Variants in SHB observed in about 807,000 individuals in gnomAD.
SHB encodes SH2 domain-containing adapter protein B.
SHB carries 20 observed loss-of-function variants against 52.3 expected under a neutral mutation model. The ratio of observed to expected loss-of-function variants is 0.38; its 90% CI spans 0.27 to 0.56. SHB has a LOEUF of 0.56. Ranked by LOEUF, SHB falls within the 20% of genes least tolerant of loss-of-function variation. The pLI, the probability that SHB is intolerant of heterozygous loss-of-function variation, is 0.71. For synonymous variants in SHB, 397 were observed against 316.5 expected (o/e 1.25, Z -2.70); for missense variants, 825 against 723.3 (o/e 1.14, Z -1.61).
At chr9:38,043,502 GGA>G (rs1821607302) in intron 1 of SHB, among the ~76,000 whole-genome samples, 1 of 152,202 alleles carries the variant, frequency 6.6e-6, no homozygotes, top group African/African-American at 2.4e-5. Flanking sequence ...CCTTTAGATG[GGA>G]GAGAAACGCA....
intron 3 of SHB, among the ~76,000 whole-genome samples, chr9:37,964,797 C>T (rs1270837075): frequency 2.0e-5 from 3 of 152,142 alleles, no homozygotes; most frequent in African/African-American, 7.2e-5. Flanking sequence ...CATAGTACCG[C>T]CCCCACTGTA....
intron 2 of SHB, among the ~76,000 whole-genome samples, chr9:37,981,420 G>C (rs1188870242): frequency 6.6e-6 from 1 of 152,232 alleles, no homozygotes; most frequent in Non-Finnish European, 1.5e-5. Context: ...GAATTGAAGA[G>C]TTAGGGCCTT....
chr9:37,930,409 G>A (rs915879130), intron 5 of SHB, among the ~76,000 whole-genome samples: 4 of 152,144 alleles, frequency 2.6e-5, no homozygotes, highest in South Asian at 4.1e-4. Flanking sequence ...AGCTGGGGTG[G>A]GGGATGTGGC....
At chr9:38,066,243 T>C (rs1821958986) in intron 1 of SHB, among the ~76,000 whole-genome samples, 2 of 152,202 alleles carry the variant, frequency 1.3e-5, no homozygotes, top group African/African-American at 4.8e-5. Context: ...TTACTGAAGT[T>C]TTGAACCACT....
In SHB at chr9:37,917,008, A is replaced by T. The variant is rs181561927; in HGVS notation, c.*2813T>A. Among the ~76,000 whole-genome samples the T allele has an allele frequency of 2.4e-3, 367 of 151,398 alleles. No individual in the cohort carries two copies. The highest frequency in any genetic ancestry group is 8.4e-3 in the African/African-American group (345 of 41,186). On this transcript the variant is annotated 3_prime_UTR_variant, in exon 6 of 6. Transcript: ENST00000377707. ...TTTTCTCTCAAAGAAATCCAGCTCA[A>T]TTTTTTCCCCAATTAATTGGCAGCA...
chr9:37,984,413 C>T (rs974214957), intron 2 of SHB, among the ~76,000 whole-genome samples: 1 of 152,188 alleles, frequency 6.6e-6, no homozygotes, highest in Non-Finnish European at 1.5e-5. Context: ...AGCTCTTGTA[C>T]GTAACGTGAA....
chr9:37,960,415 G>A (rs1010347286), intron 3 of SHB, among the ~76,000 whole-genome samples: 19 of 152,194 alleles, frequency 1.2e-4, no homozygotes, highest in Admixed American at 1.0e-3. Flanking sequence ...TAGAATGACA[G>A]AACCTAATTA....
At chr9:38,053,517 G>A (rs1430017897) in intron 1 of SHB, among the ~76,000 whole-genome samples, 1 of 152,194 alleles carries the variant, frequency 6.6e-6, no homozygotes, top group African/African-American at 2.4e-5. Flanking sequence ...GATTACAGGT[G>A]TGAGCCACCA....
intron 1 of SHB, among the ~76,000 whole-genome samples, chr9:38,063,513 T>C (rs1427478514): frequency 6.6e-6 from 1 of 152,210 alleles, no homozygotes; most frequent in Non-Finnish European, 1.5e-5. Context: ...GCCTTGGGAA[T>C]TCCCACTCAG....
At chr9:38,004,083 G>T (rs749335899) in intron 2 of SHB, among the ~76,000 whole-genome samples, 2 of 152,188 alleles carry the variant, frequency 1.3e-5, no homozygotes, top group African/African-American at 4.8e-5. Flanking sequence ...ACAACTCCCA[G>T]GTTCCTGGAG....
intron 2 of SHB, chr9:38,015,435 A>G: frequency 2.8e-6 from 2 of 703,092 alleles, no homozygotes. Flanking sequence ...TCAAGGGCCA[A>G]CAGGAAAACA....
chr9:37,918,900 C>CT lies in SHB; in HGVS notation c.*920dup, dbSNP rs1292985240. Among the ~76,000 whole-genome samples the CT allele has an allele frequency of 2.0e-5, 3 of 152,178 alleles. No individual in the cohort carries two copies. The highest frequency in any genetic ancestry group is 6.5e-5 in the Admixed American group (1 of 15,286). On this transcript the variant is annotated 3_prime_UTR_variant, in exon 6 of 6. Transcript: ENST00000377707. ...TATGTCCACTGCTGAAGCCTGAACT[C>CT]TGAGCTCTGGGTTGACTCCCAGAGT... is the stretch of plus-strand genomic sequence containing the variant.
At chr9:37,927,961 TTC>T (rs1832270289) in intron 5 of SHB, among the ~76,000 whole-genome samples, 1 of 152,064 alleles carries the variant, frequency 6.6e-6, no homozygotes, top group South Asian at 2.1e-4. Flanking sequence ...TTTTTTTTTT[TTC>T]TACCTCTAAT....
At chr9:37,955,796 G>A in intron 4 of SHB, 87 bp downstream of exon 4, 1 of 1,346,168 alleles carries the variant, frequency 7.4e-7, no homozygotes. Flanking sequence ...CCCAGTCTGT[G>A]GATTTTTAAA....
intron 1 of SHB, among the ~76,000 whole-genome samples, chr9:38,017,115 G>A (rs2118080309): frequency 6.6e-6 from 1 of 152,260 alleles, no homozygotes; most frequent in East Asian, 1.9e-4. Context: ...TAACCTTTAG[G>A]AGAGGCACAG....
rs1192167377 is a variant in SHB at position 38,068,315 on chromosome 9, G to C, written c.331C>G (p.Arg111Gly). Reference protein sequence around the residue: ...SSLRKLRAMCRLDYCGGSGEP... With the variant: ...SSLRKLRAMCGLDYCGGSGEP... ...CCGCTGCCGCCGCAGTAGTCCAGGC[G>C]GCACATGGCGCGCAGTTTGCGCAGC... The change falls in exon 1 of 6, where the codon CGC (arginine) becomes GGC (glycine). Residue 111 changes from arginine (R) to glycine (G), a missense_variant. Coordinates refer to ENST00000377707, the MANE Select transcript of SHB (RefSeq NM_003028.3). 1.3e-6 allele frequency: 2 copies of C among 1,524,814 alleles called. No individual in the cohort carries two copies. Among genetic ancestry groups the C allele is most frequent in the African/African-American group, 2.9e-5 (2 of 69,432 alleles). 94.5% of individuals were successfully genotyped at this position (1,524,814 alleles called of 1,614,324 possible). A position where few individuals can be genotyped will look rare whatever the true frequency, so the allele number is the denominator to read the frequency against.
chr9:38,025,265 C>A (rs1821327786), intron 1 of SHB, among the ~76,000 whole-genome samples: 1 of 152,172 alleles, frequency 6.6e-6, no homozygotes, highest in African/African-American at 2.4e-5. Context: ...ACTGACTTAG[C>A]CGCCCCTCAT....
At position 38,068,582 on chromosome 9, in the gene SHB, G is replaced by T; in HGVS notation, c.64C>A (p.Pro22Thr). Residue 22 changes from proline to threonine, a missense_variant, in exon 1 of 6, where the codon CCG (proline) becomes ACG (threonine). Coordinates refer to ENST00000377707, the MANE Select transcript of SHB (RefSeq NM_003028.3). Reference sequence around the variant, plus strand: ...TGCTCGCGGTAGTCTGGCCGCGGCGGCTGCGGGGGGCTCTTGGTCTTGCTG... The same window carrying T: ...TGCTCGCGGTAGTCTGGCCGCGGCGTCTGCGGGGGGCTCTTGGTCTTGCTG... ...GNSKTKSPPQ[P>T]PRPDYREQRR... is the part of the protein sequence containing the mutation. 6.7e-7 allele frequency: 1 copy of T among 1,489,734 alleles called. No homozygotes were observed. Among genetic ancestry groups the T allele is most frequent in the Non-Finnish European group, 8.8e-7 (1 of 1,131,596 alleles). The allele number at this position is 1,489,734 out of a possible 1,614,324, so 92.3% of individuals were successfully genotyped here.
chr9:37,933,860 C>T (rs543530005), intron 5 of SHB, among the ~76,000 whole-genome samples: 3 of 152,334 alleles, frequency 2.0e-5, no homozygotes, highest in East Asian at 3.9e-4. Flanking sequence ...AGCCCAGCTC[C>T]GAGCTCTAGC....
Sources: gnomAD v4.1 joint callset for allele counts (sites outside exome capture counted in the v4.1 genomes callset) on GRCh38, gnomAD v4.1.1 for gene constraint, MANE v1.5 for transcripts, NCBI Gene and HGNC (gene_info 2026-07-23, HGNC 2026-07-21) for gene names.